Variants in TOX3 observed in about 807,000 individuals in gnomAD.
TOX3 encodes the protein TOX high mobility group box family member 3.
Under a neutral mutation model 64.3 loss-of-function variants are expected in TOX3, and 22 were observed. The ratio of observed to expected loss-of-function variants is 0.34; its 90% CI spans 0.24 to 0.49. The LOEUF (loss-of-function observed/expected upper bound fraction) is 0.49, where lower values mean the gene tolerates loss of function less well. TOX3 is among the 20% of genes least tolerant of loss of function. The pLI is 0.99. For synonymous variants in TOX3, 291 were observed against 273.6 expected, an observed-to-expected ratio of 1.06 and a Z score of -0.63; for missense variants, 661 against 714.4, an observed-to-expected ratio of 0.93 and a Z score of 0.85.
intron 4 of TOX3, among the ~76,000 whole-genome samples, 156 bp from the exon 5 acceptor site, chr16:52,446,377 G>C (rs1960164219): frequency 6.6e-6 from 1 of 152,194 alleles, no homozygotes; most frequent in Non-Finnish European, 1.5e-5. Context: ...CTTGCTTGGA[G>C]TTAACTAGAC....
At position 52,546,704 on chromosome 16, in the gene TOX3, G is replaced by T. The variant is rs1196509466; in HGVS notation, c.20C>A (p.Pro7His). The stretch of plus-strand genomic sequence containing the variant: ...GCTGGCAGGGTCCCCGGCCGCCGCG[G>T]GGTAGAACCTCACATCCATGCCGAA... MDVRFY[P>H]AAAGDPASLD... The change falls in exon 1 of 7, where the codon CCC becomes CAC. Residue 7 changes from proline (P) to histidine (H), a missense_variant. By Grantham distance (77) the Pro-to-His change is moderately conservative. Around this residue, in one of 3 missense-constraint regions of TOX3, gnomAD observed 259 missense variants for 261.2 expected, o/e 0.99. Transcript: ENST00000219746. 1 of 1,539,212 alleles carries T rather than the reference G, an allele frequency of 6.5e-7. No homozygotes were observed. Among genetic ancestry groups the T allele is most frequent in the Non-Finnish European group, 8.7e-7 (1 of 1,146,712 alleles).
At position 52,542,046 on chromosome 16, in the gene TOX3, G is replaced by T. The variant is rs149867209; in HGVS notation, c.87+4591C>A. 2.0e-3 allele frequency among the ~76,000 whole-genome samples: 312 copies of T among 152,246 alleles called. 3 individuals carry two copies. The highest frequency in any genetic ancestry group is 7.4e-3 in the African/African-American group (307 of 41,542). ...ACGGATCCATATCAACTCAGATATG[G>T]TATCATATCACATTAGATTAAATGC... On this transcript the variant is annotated intron_variant, in intron 1 of 6. Transcript: ENST00000219746.
chr16:52,528,335 C>T (rs1291192547), intron 1 of TOX3, among the ~76,000 whole-genome samples: 1 of 152,064 alleles, frequency 6.6e-6, no homozygotes, highest in Non-Finnish European at 1.5e-5. Context: ...GTATTAATCA[C>T]ATACAATAAC....
At chr16:52,546,504 G>A (rs918674494) in intron 1 of TOX3, 133 bp downstream of exon 1, 2 of 782,538 alleles carry the variant, frequency 2.6e-6, no homozygotes, top group Non-Finnish European at 3.8e-6. Context: ...CAGAGACGAA[G>A]GCTCAAAGGT....
rs982189631 is a variant in TOX3, at chr16:52,436,658, C to T, written c.*2567G>A. 4 of 152,224 alleles carry T rather than the reference C, an allele frequency of 2.6e-5. No homozygotes were observed. Among genetic ancestry groups the T allele is most frequent in the Non-Finnish European group, 4.4e-5 (3 of 68,022 alleles). The allele number at this position is 152,224 out of a possible 1,614,324, so 9.4% of individuals were successfully genotyped here. A position where few individuals can be genotyped will look rare whatever the true frequency, so the allele number is the denominator to read the frequency against. On this transcript the variant is annotated 3_prime_UTR_variant, in exon 7 of 7. Transcript: ENST00000219746. ...TTTGCCTGGTGATTAATTTTATAAACTGTAGTCATTAAACTTTTTTTTTCC... is the reference window on the plus strand; with the variant it reads ...TTTGCCTGGTGATTAATTTTATAAATTGTAGTCATTAAACTTTTTTTTTCC...
intron 2 of TOX3, among the ~76,000 whole-genome samples, chr16:52,466,566 T>G (rs1011051425): frequency 2.6e-5 from 4 of 152,216 alleles, no homozygotes; most frequent in Non-Finnish European, 4.4e-5. Context: ...CAAGAAAAGA[T>G]GTACAGAGAA....
At chr16:52,513,138 C>T (rs959095727) in intron 1 of TOX3, among the ~76,000 whole-genome samples, 11 of 152,156 alleles carry the variant, frequency 7.2e-5, no homozygotes, top group African/African-American at 2.7e-4. Flanking sequence ...ACACAAAAGG[C>T]TGAATAAATC....
rs114763767 is a variant in TOX3, at chr16:52,443,726, A to G, written c.987+550T>C. Among the ~76,000 whole-genome samples the G allele has an allele frequency of 8.1e-3, 1,241 of 152,290 alleles. 25 individuals carry two copies. Among genetic ancestry groups the G allele is most frequent in the African/African-American group, 0.028 (1,161 of 41,560 alleles). On this transcript the variant is annotated intron_variant, in intron 6 of 6. Coordinates refer to ENST00000219746, the MANE Select transcript of TOX3 (RefSeq NM_001080430.4). ...AGTGACATTTGCTTGGGATATTGGGATATTTTATAACACACCAGGGTCCAC... is the reference window on the plus strand; with the variant it reads ...AGTGACATTTGCTTGGGATATTGGGGTATTTTATAACACACCAGGGTCCAC...
chr16:52,459,317 A>T (rs1217413345), intron 3 of TOX3, among the ~76,000 whole-genome samples: 1 of 151,732 alleles, frequency 6.6e-6, no homozygotes, highest in Non-Finnish European at 1.5e-5. Flanking sequence ...TCTAAAAAAT[A>T]TGTAAAATTA....
At chr16:52,543,153 C>A (rs1429773658) in intron 1 of TOX3, among the ~76,000 whole-genome samples, 1 of 152,114 alleles carries the variant, frequency 6.6e-6, no homozygotes, top group Non-Finnish European at 1.5e-5. Flanking sequence ...CACCTCACAC[C>A]CACATTAAAC....
intron 1 of TOX3, among the ~76,000 whole-genome samples, chr16:52,495,645 A>T (rs1043127795): frequency 4.6e-5 from 7 of 152,214 alleles, no homozygotes; most frequent in African/African-American, 1.7e-4. Flanking sequence ...AGTCTGTATA[A>T]TACCAGATGG....
chr16:52,532,906 T>C (rs564638073), intron 1 of TOX3, among the ~76,000 whole-genome samples: 4 of 152,258 alleles, frequency 2.6e-5, no homozygotes, highest in African/African-American at 9.6e-5. Flanking sequence ...CAGGGAAGTA[T>C]AGCACTGGGC....
chr16:52,444,220 G>A, intron 6 of TOX3, 56 bp downstream of exon 6: 1 of 1,350,096 alleles, frequency 7.4e-7, no homozygotes, highest in African/African-American at 1.5e-5. Flanking sequence ...AATGCTTGAG[G>A]GCTGTTTTCC....
chr16:52,440,748 C>CTTTTTTTTTTTTTTTTTTT lies in TOX3; in HGVS notation c.988-781_988-780insAAAAAAAAAAAAAAAAAAA, dbSNP rs1425662404. Among the ~76,000 whole-genome samples, 5 of 89,456 alleles carry CTTTTTTTTTTTTTTTTTTT rather than the reference C, an allele frequency of 5.6e-5. 1 individual carries two copies. The highest frequency in any genetic ancestry group is 4.7e-5 in the Non-Finnish European group (2 of 42,776). The allele number at this position is 89,456 out of a possible 152,430, so 58.7% of individuals were successfully genotyped here. The stretch of plus-strand genomic sequence containing the variant: ...ATTGGGTTATATGGTATTTTTCTTT[C>CTTTTTTTTTTTTTTTTTTT]TTTCTTTTTTTTTTTTTTTTTTTTT... On this transcript the variant is annotated intron_variant, in intron 6 of 6. Transcript: ENST00000219746.
intron 1 of TOX3, among the ~76,000 whole-genome samples, chr16:52,521,801 A>G (rs1405187575): frequency 1.3e-5 from 2 of 152,178 alleles, no homozygotes; most frequent in Non-Finnish European, 1.5e-5. Context: ...GACCTACTGA[A>G]TCAGAAACTC....
At chr16:52,465,407 G>A (rs911069759) in intron 2 of TOX3, among the ~76,000 whole-genome samples, 2 of 150,416 alleles carry the variant, frequency 1.3e-5, no homozygotes, top group Admixed American at 6.6e-5. Context: ...TTTTTGGGGG[G>A]ATTTTTTTGG....
intron 1 of TOX3, among the ~76,000 whole-genome samples, chr16:52,488,365 C>A (rs1961586117): frequency 6.6e-6 from 1 of 152,152 alleles, no homozygotes; most frequent in African/African-American, 2.4e-5. Context: ...CTTTCTATCT[C>A]TTTTTATGAC....
intron 1 of TOX3, among the ~76,000 whole-genome samples, chr16:52,468,831 T>C (rs192265820): frequency 1.3e-5 from 2 of 152,300 alleles, no homozygotes; most frequent in East Asian, 1.9e-4. Flanking sequence ...ATTACAAACA[T>C]TAAGCCAACT....
intron 2 of TOX3, among the ~76,000 whole-genome samples, chr16:52,467,821 T>G (rs1960914697): frequency 6.6e-6 from 1 of 152,146 alleles, no homozygotes; most frequent in African/African-American, 2.4e-5. Context: ...ATGATGCTTG[T>G]TTCATCTGCA....
Sources: gnomAD v4.1 joint callset for allele counts (sites outside exome capture counted in the v4.1 genomes callset) on GRCh38, gnomAD v4.1.1 for gene constraint, gnomAD v4.1.1 regional missense constraint, MANE v1.5 for transcripts, NCBI Gene and HGNC (gene_info 2026-07-23, HGNC 2026-07-21) for gene names.